ANAPC4: variants seen among roughly 807,000 people sequenced by gnomAD.
ANAPC4 encodes the protein anaphase promoting complex subunit 4.
Under a neutral mutation model 119.8 loss-of-function variants are expected in ANAPC4, and 63 were observed. The ratio of observed to expected loss-of-function variants is 0.53; its 90% CI spans 0.43 to 0.65. The LOEUF (loss-of-function observed/expected upper bound fraction) is 0.65, where lower values mean the gene tolerates loss of function less well. Ranked by LOEUF, ANAPC4 falls within the 30% of genes least tolerant of loss-of-function variation. The pLI, the probability that ANAPC4 is intolerant of heterozygous loss-of-function variation, is 0.00. For synonymous variants in ANAPC4, 283 were observed against 318.6 expected, an observed-to-expected ratio of 0.89 and a Z score of 1.19; for missense variants, 716 against 945.1, an observed-to-expected ratio of 0.76 and a Z score of 3.18.
Position 25,418,156 on chromosome 4 carries a change from T to A in ANAPC4, c.2201T>A (p.Leu734Ter). The A allele has an allele frequency of 6.2e-7, 1 of 1,609,800 alleles. No individual in the cohort carries two copies. Among genetic ancestry groups the A allele is most frequent in the Non-Finnish European group, 8.5e-7 (1 of 1,178,480 alleles). ...GNGFRKVSCV[L>*]SSNLRHVRVF... ...CTTTTATGGCCTTTTCTTTTTTAGT[T>A]AAGCTCAAATCTTCGTCATGTGAGA... is the stretch of plus-strand genomic sequence containing the variant. Residue 734 changes from leucine to a stop codon, truncating the protein, a stop_gained and splice_region_variant, in exon 29 of 29, where the codon TTA becomes TAA. Transcript: ENST00000315368. LOFTEE classifies it high-confidence loss of function.
intron 7 of ANAPC4, among the ~76,000 whole-genome samples, chr4:25,389,876 T>TAC (rs1722248700): frequency 6.6e-6 from 1 of 152,192 alleles, no homozygotes; most frequent in Admixed American, 6.5e-5. Flanking sequence ...TAAATATAGT[T>TAC]GTTATTAAAA....
chr4:25,380,229 G>A, intron 2 of ANAPC4, 145 bp from the exon 3 acceptor site: 2 of 510,902 alleles, frequency 3.9e-6, no homozygotes, highest in South Asian at 8.3e-5. Flanking sequence ...TGTTCATTCA[G>A]ACACTGTTGT....
intron 3 of ANAPC4, among the ~76,000 whole-genome samples, chr4:25,382,087 G>A (rs2109109880): frequency 6.6e-6 from 1 of 150,938 alleles, no homozygotes; most frequent in South Asian, 2.1e-4. Context: ...GTTATTTGGT[G>A]CATACCATTT....
Position 25,377,317 on chromosome 4 carries a change from G to C in ANAPC4, c.-38G>C. 2 of 1,454,970 alleles carry C rather than the reference G, an allele frequency of 1.4e-6. No individual in the cohort carries two copies. Among genetic ancestry groups the C allele is most frequent in the East Asian group, 4.8e-5 (2 of 42,068 alleles). The allele number at this position is 1,454,970 out of a possible 1,614,324, so 90.1% of individuals were successfully genotyped here. A position where few individuals can be genotyped will look rare whatever the true frequency, so the allele number is the denominator to read the frequency against. On this transcript the variant is annotated 5_prime_UTR_variant, in exon 1 of 29. Coordinates refer to ENST00000315368, the MANE Select transcript of ANAPC4 (RefSeq NM_013367.3). ...GGAGGGGAGAGGCCACTGGGGCCGT[G>C]TTAGTCTGCCGGTGGGGACTCTTGC...
At chr4:25,415,659 A>G (rs1723827924) in intron 26 of ANAPC4, 119 bp downstream of exon 26, 2 of 728,826 alleles carry the variant, frequency 2.7e-6, no homozygotes, top group Non-Finnish European at 4.5e-6. Context: ...GCCACTTCCC[A>G]CATCAAGGGC....
chr4:25,381,243 T>C (rs1721700745), intron 3 of ANAPC4, among the ~76,000 whole-genome samples: 1 of 152,212 alleles, frequency 6.6e-6, no homozygotes, highest in Admixed American at 6.5e-5. Context: ...ATTGGTGCTT[T>C]AAGAAAAAAA....
chr4:25,397,880 C>A (rs183461105), intron 16 of ANAPC4, among the ~76,000 whole-genome samples: 3 of 151,332 alleles, frequency 2.0e-5, no homozygotes, highest in Admixed American at 1.3e-4. Context: ...AACCTGAATT[C>A]TCTTGTATTA....
intron 3 of ANAPC4, among the ~76,000 whole-genome samples, chr4:25,382,101 T>G (rs746419376): frequency 1.5e-5 from 2 of 131,542 alleles, no homozygotes; most frequent in Non-Finnish European, 3.3e-5. Context: ...ACCATTTTGT[T>G]GTATAGCTTT....
At chr4:25,414,291 T>C in intron 22 of ANAPC4, 33 bp from the exon 23 acceptor site, 1 of 1,396,490 alleles carries the variant, frequency 7.2e-7, no homozygotes, top group Non-Finnish European at 9.9e-7. Flanking sequence ...ATATTAACGC[T>C]CTAATTATAT....
Position 25,405,100 on chromosome 4 carries a change from A to T in ANAPC4, c.1271-473A>T, listed in dbSNP as rs936054299. Among the ~76,000 whole-genome samples, 2 of 151,154 alleles carry T rather than the reference A, an allele frequency of 1.3e-5. No homozygotes were observed. The highest frequency in any genetic ancestry group is 4.9e-5 in the African/African-American group (2 of 41,038). On this transcript the variant is annotated intron_variant, in intron 17 of 28. Transcript: ENST00000315368. This position sits in a 1 kb window ranked among gnomAD's most constrained non-coding sequence, Gnocchi z 4.6. ...AGGACAATCCTGTGAAAGGACGGAG[A>T]GAGTCAACCACAGATACTAGATCAA...
At chr4:25,403,387 C>T (rs1463077646) in intron 17 of ANAPC4, among the ~76,000 whole-genome samples, 3 of 151,960 alleles carry the variant, frequency 2.0e-5, no homozygotes, top group Non-Finnish European at 4.4e-5. Context: ...AAACATTCCT[C>T]ACAGAACTGT....
intron 21 of ANAPC4, among the ~76,000 whole-genome samples, chr4:25,409,995 C>A (rs1246137041): frequency 6.6e-6 from 1 of 152,218 alleles, no homozygotes; most frequent in East Asian, 1.9e-4. Context: ...CTGAAGTTAA[C>A]TACGCTGTAG....
At chr4:25,384,710 G>T (rs1243494086) in intron 4 of ANAPC4, among the ~76,000 whole-genome samples, 1 of 151,784 alleles carries the variant, frequency 6.6e-6, no homozygotes, top group Non-Finnish European at 1.5e-5. Flanking sequence ...GCTGAGGTGG[G>T]AGGATCACCT....
intron 9 of ANAPC4, among the ~76,000 whole-genome samples, chr4:25,391,593 G>A (rs192095815): frequency 1.1e-4 from 17 of 152,268 alleles, no homozygotes; most frequent in African/African-American, 3.8e-4. Context: ...GCTTTATTGC[G>A]TGCTGTCTGC....
chr4:25,382,197 T>C (rs1316182689), intron 3 of ANAPC4, among the ~76,000 whole-genome samples: 2 of 152,218 alleles, frequency 1.3e-5, no homozygotes, highest in Admixed American at 6.5e-5. Context: ...TAACCCACTA[T>C]ATTTATATAT....
intron 11 of ANAPC4, among the ~76,000 whole-genome samples, 179 bp downstream of exon 11, chr4:25,394,070 A>G (rs1054784628): frequency 2.0e-5 from 3 of 152,180 alleles, no homozygotes; most frequent in Non-Finnish European, 4.4e-5. Flanking sequence ...CTCTTTTCCC[A>G]TTGATACAAC....
In ANAPC4 at chr4:25,414,490, C is replaced by G; in HGVS notation, c.1710C>G (p.Phe570Leu). ...TRSEDSTRRL[F>L]KFPFLWNNKT... ...GTGAGGATTCTACACGTAGATTGTT[C>G]AAATTTCCTTTTCTGTAAGTATATA... is the stretch of plus-strand genomic sequence containing the variant. The change falls in exon 24 of 29, where the codon TTC becomes TTG. Residue 570 changes from phenylalanine to leucine, a missense_variant. This residue lies in a region of ANAPC4 where 504 missense variants were observed against 615.8 expected (regional missense o/e 0.82). Coordinates refer to ENST00000315368, the MANE Select transcript of ANAPC4 (RefSeq NM_013367.3). 1 of 1,600,204 alleles carries G rather than the reference C, an allele frequency of 6.2e-7. No homozygotes were observed.
chr4:25,417,914 C>G, intron 28 of ANAPC4, 175 bp downstream of exon 28: 2 of 960,870 alleles, frequency 2.1e-6, no homozygotes, highest in Non-Finnish European at 3.0e-6. Context: ...AGTTCTTGTT[C>G]TGATAAAGCT....
At chr4:25,408,711 C>T (rs1723406128) in intron 20 of ANAPC4, among the ~76,000 whole-genome samples, 1 of 151,888 alleles carries the variant, frequency 6.6e-6, no homozygotes. Context: ...GTTGCCCAGG[C>T]TGGTCTTGAG....
Sources: allele counts gnomAD v4.1 joint callset (sites outside exome capture counted in the v4.1 genomes callset), GRCh38; gene constraint gnomAD v4.1.1; regional missense constraint gnomAD v4.1.1; non-coding constraint Gnocchi (gnomAD v3.1); transcripts MANE v1.5; gene names NCBI Gene and HGNC (gene_info 2026-07-23, HGNC 2026-07-21).